The following USP28 variants were observed in gnomAD, a reference collection of about 807,000 sequenced individuals.
The protein encoded by USP28 is ubiquitin carboxyl-terminal hydrolase 28.
In USP28, 113 loss-of-function variants were observed where a neutral mutation model predicts 145.0. That is an observed-to-expected ratio of 0.78 (90% CI 0.67 to 0.91). The LOEUF is 0.91. Ranked by LOEUF, USP28 falls within the 40% of genes least tolerant of loss-of-function variation. The probability of loss-of-function intolerance (pLI) is 0.00; values close to 1 mark genes in which losing one functional copy is unlikely to be tolerated. For synonymous variants in USP28, 447 were observed against 450.9 expected (o/e 0.99, Z 0.11); for missense variants, 1,201 against 1,289.6 (o/e 0.93, Z 1.05).
chr11:113,873,195 A>G (rs1171082421), intron 1 of USP28, among the ~76,000 whole-genome samples: 1 of 152,250 alleles, frequency 6.6e-6, no homozygotes, highest in Non-Finnish European at 1.5e-5. Context: ...AGTTATTAAA[A>G]TCTTTCCTGT....
At position 113,812,955 on chromosome 11, in the gene USP28, C is replaced by T. The variant is rs7924379; in HGVS notation, c.1744-451G>A. Among the ~76,000 whole-genome samples, 1,188 of 152,290 alleles carry T rather than the reference C, an allele frequency of 7.8e-3. 13 individuals are homozygous for T. The highest frequency in any genetic ancestry group is 0.026 in the African/African-American group (1,072 of 41,556). On this transcript the variant is annotated intron_variant, in intron 15 of 24. Coordinates refer to ENST00000003302, the Ensembl canonical transcript of USP28. ...TTAACATATTTAATTCAGCCACATG[C>T]TTCTTAGAGTTAAGTGACCACTTAT... is the stretch of plus-strand genomic sequence containing the variant.
Position 113,845,728 on chromosome 11 carries a change from T to A in USP28, c.269-3960A>T, listed in dbSNP as rs555047300. ...TAGCTGGGACTACAGGCATACACCA[T>A]CACACCTGGCTAATTTTTCTATCTT... On this transcript the variant is annotated intron_variant, in intron 3 of 24. Coordinates refer to ENST00000003302, the Ensembl canonical transcript of USP28. Among the ~76,000 whole-genome samples the A allele has an allele frequency of 2.0e-5, 3 of 152,172 alleles. No individual in the cohort carries two copies. In the South Asian group the frequency reaches 6.2e-4, roughly 32 times the overall value.
chr11:113,804,333 A>T (rs1939566991), intron 21 of USP28, among the ~76,000 whole-genome samples: 1 of 152,228 alleles, frequency 6.6e-6, no homozygotes, highest in Non-Finnish European at 1.5e-5. Flanking sequence ...ATGCAATTGA[A>T]AACATGTGTA....
At chr11:113,857,886 G>A (rs903726493) in intron 1 of USP28, among the ~76,000 whole-genome samples, 1 of 151,666 alleles carries the variant, frequency 6.6e-6, no homozygotes, top group African/African-American at 2.4e-5. Flanking sequence ...TTTGAGACAG[G>A]GTCTCGCTCT....
At position 113,840,738 on chromosome 11, in the gene USP28, C is replaced by T. The variant is rs1945101286; in HGVS notation, c.394G>A (p.Ala132Thr). 8 of 1,614,134 alleles carry T rather than the reference C, an allele frequency of 5.0e-6. No individual in the cohort carries two copies. The East Asian group carries it at 6.7e-5, about 13-fold the overall frequency. ...TTTCTCTTTGAGCGTTTAGTTTCTG[C>T]AGAGGTTGCTTCATGCATCCTATAT... is the stretch of plus-strand genomic sequence containing the variant. Residue 132 changes from alanine to threonine, a missense_variant, in exon 5 of 25, where the codon GCA (alanine) becomes ACA (threonine). Ala to Thr is a moderately conservative substitution (Grantham distance 58). Coordinates refer to ENST00000003302, the Ensembl canonical transcript of USP28.
chr11:113,818,142 A>G (rs906151547), intron 12 of USP28: 2 of 220,674 alleles, frequency 9.1e-6, no homozygotes, highest in Non-Finnish European at 1.7e-5. Context: ...TCATTTATTT[A>G]TTTTTTATTT....
At chr11:113,872,796 G>A (rs1356591047) in intron 1 of USP28, among the ~76,000 whole-genome samples, 1 of 152,108 alleles carries the variant, frequency 6.6e-6, no homozygotes. Context: ...TGCTGCTATC[G>A]AAGTCAAGAA....
At chr11:113,806,539 T>C in exon 19 of USP28, 7 of 1,606,622 alleles carry the variant, frequency 4.4e-6, no homozygotes, top group South Asian at 1.1e-5. Context: ...TGACGGGCTT[T>C]AGCTATGGCC....
At chr11:113,812,548 AATCTG>A (rs761337002) in intron 15 of USP28, 44 bp from the exon 16 acceptor site, 1 of 1,549,066 alleles carries the variant, frequency 6.5e-7, no homozygotes, top group South Asian at 1.1e-5. Flanking sequence ...GAAGCAAAGT[AATCTG>A]ATAAAGTTTA....
Position 113,812,260 on chromosome 11 carries a change from G to A in USP28, c.1972+16C>T. ...AGATTTTCCCCAATCTATAGATTCT[G>A]CCAAGATACTTTTACCTGCATTGAA... is the stretch of plus-strand genomic sequence containing the variant. On this transcript the variant is annotated intron_variant, in intron 16 of 24. Coordinates refer to ENST00000003302, the Ensembl canonical transcript of USP28. 6.2e-7 allele frequency: 1 copy of A among 1,601,630 alleles called. No individual in the cohort carries two copies. Among genetic ancestry groups the A allele is most frequent in the Non-Finnish European group, 8.5e-7 (1 of 1,170,658 alleles).
intron 1 of USP28, among the ~76,000 whole-genome samples, chr11:113,864,111 T>G (rs1214030317): frequency 4.8e-4 from 67 of 139,962 alleles, no homozygotes; most frequent in East Asian, 1.1e-3. Flanking sequence ...CATGGTGGCA[T>G]GTGCCTGTAG....
At chr11:113,831,332 T>A (rs966418350) in intron 8 of USP28, among the ~76,000 whole-genome samples, 7 of 152,166 alleles carry the variant, frequency 4.6e-5, no homozygotes, top group Non-Finnish European at 8.8e-5. Flanking sequence ...ATACAAAAAA[T>A]TTTTCTCCAT....
At chr11:113,808,378 C>A in exon 18 of USP28, 1 of 1,614,140 alleles carries the variant, frequency 6.2e-7, no homozygotes, top group Non-Finnish European at 8.5e-7. Flanking sequence ...TGCTCCTTTA[C>A]AATCACAGCA....
At chr11:113,865,765 T>C (rs1948191847) in intron 1 of USP28, among the ~76,000 whole-genome samples, 2 of 152,208 alleles carry the variant, frequency 1.3e-5, no homozygotes, top group African/African-American at 4.8e-5. Context: ...TAAGTCTTCA[T>C]GACCTTGGAT....
chr11:113,868,268 T>C (rs182452117), intron 1 of USP28, among the ~76,000 whole-genome samples: 23 of 152,332 alleles, frequency 1.5e-4, no homozygotes, highest in Admixed American at 1.3e-3. Context: ...TCAACTAAAC[T>C]CCTCTAGAGT....
rs527957372 is a variant in USP28, at chr11:113,809,246, G to C, written c.1981C>G (p.Pro661Ala). ...TCTGACATTTGATCTGATTCAGTTG[G>C]GGCTGCCTCTGAGGAAAAGCAAAGA... The change falls in exon 17 of 25, where the codon CCA becomes GCA. Residue 661 changes from proline (P) to alanine (A), a missense_variant. Transcript: ENST00000003302. 6.2e-6 allele frequency: 10 copies of C among 1,613,246 alleles called. No individual in the cohort carries two copies. In the African/African-American group the frequency reaches 8.0e-5, roughly 13 times the overall value.
chr11:113,843,123 T>C (rs1945396311), intron 3 of USP28, among the ~76,000 whole-genome samples: 1 of 152,084 alleles, frequency 6.6e-6, no homozygotes, highest in Non-Finnish European at 1.5e-5. Context: ...TTCCAGCTAC[T>C]TGGGAGGCTG....
chr11:113,858,348 C>T (rs540114057), intron 1 of USP28, among the ~76,000 whole-genome samples: 2 of 152,190 alleles, frequency 1.3e-5, no homozygotes, highest in Non-Finnish European at 2.9e-5. Flanking sequence ...TTCCTTACTG[C>T]AAACTCATTC....
chr11:113,806,398 C>T, intron 19 of USP28, 91 bp downstream of exon 20: 2 of 1,132,170 alleles, frequency 1.8e-6, no homozygotes, highest in South Asian at 1.4e-5. Flanking sequence ...CACACCCAGC[C>T]TTAACCCCAT....
Sources: allele counts gnomAD v4.1 joint callset (sites outside exome capture counted in the v4.1 genomes callset), GRCh38; gene constraint gnomAD v4.1.1; transcripts MANE v1.5; gene names NCBI Gene and HGNC (gene_info 2026-07-23, HGNC 2026-07-21).